The following MAGI2 variants were observed in gnomAD, a reference collection of about 807,000 sequenced individuals.
The protein encoded by MAGI2 is membrane associated guanylate kinase, WW and PDZ domain containing 2, also known as membrane-associated guanylate kinase, WW and PDZ domain-containing protein 2.
A neutral mutation model predicts 133.3 loss-of-function variants in MAGI2; 35 were observed. That is an observed-to-expected ratio of 0.26 (90% CI 0.20 to 0.35). The LOEUF is 0.35. MAGI2 is among the 10% of genes least tolerant of loss of function. The probability of loss-of-function intolerance (pLI) is 1.00; values close to 1 mark genes in which losing one functional copy is unlikely to be tolerated. For synonymous variants in MAGI2, 729 were observed against 710.6 expected (o/e 1.03, Z -0.41); for missense variants, 1,636 against 1,863.4 (o/e 0.88, Z 2.25).
rs192129863 is a variant in MAGI2 at position 78,257,733 on chromosome 7, A to C, written c.1409-1152T>G. Among the ~76,000 whole-genome samples, 86 of 152,288 alleles carry C rather than the reference A, an allele frequency of 5.6e-4. 1 individual carries two copies. Among genetic ancestry groups the C allele is most frequent in the African/African-American group, 1.9e-3 (77 of 41,566 alleles). ...TTATCTTCACAAACCATAATACTTG[A>C]AAATTGAGCTTGCAAATTGAGATTG... On this transcript the variant is annotated intron_variant, in intron 9 of 21. Transcript: ENST00000354212.
intron 2 of MAGI2, among the ~76,000 whole-genome samples, chr7:78,703,823 TACACACACAA>T (rs527888014): frequency 0.038 from 3,191 of 84,988 alleles, 44 homozygotes; most frequent in Middle Eastern, 0.12. Flanking sequence ...CACACACACA[TACACACACAA>T]ACACACACAC....
intron 1 of MAGI2, among the ~76,000 whole-genome samples, chr7:79,017,591 G>A (rs1245578988): frequency 6.6e-6 from 1 of 152,184 alleles, no homozygotes; most frequent in African/African-American, 2.4e-5. Flanking sequence ...GGCTGAGATG[G>A]CTGAAATGAT....
At chr7:78,752,108 C>T (rs1316640691) in intron 2 of MAGI2, among the ~76,000 whole-genome samples, 5 of 152,172 alleles carry the variant, frequency 3.3e-5, no homozygotes, top group African/African-American at 1.2e-4. Flanking sequence ...CAGTGTTTTG[C>T]TCTGAATTCA....
intron 6 of MAGI2, among the ~76,000 whole-genome samples, chr7:78,434,592 G>A (rs1800104097): frequency 6.6e-6 from 1 of 152,080 alleles, no homozygotes; most frequent in African/African-American, 2.4e-5. Flanking sequence ...GGACAAACAG[G>A]GATGACTCTA....
At chr7:78,052,175 T>A (rs1812080137) in intron 21 of MAGI2, among the ~76,000 whole-genome samples, 1 of 152,098 alleles carries the variant, frequency 6.6e-6, no homozygotes, top group African/African-American at 2.4e-5. Flanking sequence ...TAGTTTGGAT[T>A]TTTGACCCTC....
intron 1 of MAGI2, among the ~76,000 whole-genome samples, chr7:79,053,167 G>T (rs184851032): frequency 2.6e-5 from 4 of 152,136 alleles, no homozygotes; most frequent in African/African-American, 9.6e-5. Flanking sequence ...TAGAGATGGG[G>T]TTTCACCACA....
chr7:78,327,793 T>C (rs1562830161), intron 9 of MAGI2, among the ~76,000 whole-genome samples: 1 of 152,202 alleles, frequency 6.6e-6, no homozygotes, highest in Non-Finnish European at 1.5e-5. Flanking sequence ...GCTAGGTGGA[T>C]TGTAAAACAG....
At position 78,840,296 on chromosome 7, in the gene MAGI2, T is replaced by G. The variant is rs554292905; in HGVS notation, c.418+166794A>C. Reference sequence around the variant, plus strand: ...AGTTAAATCTATATAATTGGTTTTTTAAAATTGCTTTCAAAGGAATACTCA... The same window carrying G: ...AGTTAAATCTATATAATTGGTTTTTGAAAATTGCTTTCAAAGGAATACTCA... On this transcript the variant is annotated intron_variant, in intron 2 of 21. Coordinates refer to ENST00000354212, the MANE Select transcript of MAGI2 (RefSeq NM_012301.4). Among the ~76,000 whole-genome samples the G allele has an allele frequency of 2.0e-5, 3 of 152,184 alleles. No individual in the cohort carries two copies. The South Asian group carries it at 6.2e-4, about 32-fold the overall frequency.
chr7:78,639,968 G>A lies in MAGI2; in HGVS notation c.419-12729C>T, dbSNP rs1230820593. On this transcript the variant is annotated intron_variant, in intron 2 of 21. Transcript: ENST00000354212. ...CATGCCTCTGAAGGGATAAAAAAGC[G>A]GGGGTGCAGGAGGCAGACAGAATAT... Among the ~76,000 whole-genome samples, 65 of 152,200 alleles carry A rather than the reference G, an allele frequency of 4.3e-4. 1 individual carries two copies. The highest frequency in any genetic ancestry group is 4.1e-3 in the Admixed American group (62 of 15,282).
In MAGI2 at chr7:78,125,687, T is replaced by G. The variant is rs1208075151; in HGVS notation, c.3567+7A>C. The stretch of plus-strand genomic sequence containing the variant: ...TAAGCAATTCTATAAAAAGAGACTG[T>G]TCTTACCCTCATCCTCCCATTCCTT... On this transcript the variant is annotated splice_region_variant and intron_variant, in intron 20 of 21. Coordinates refer to ENST00000354212, the MANE Select transcript of MAGI2 (RefSeq NM_012301.4). 1 of 1,613,640 alleles carries G rather than the reference T, an allele frequency of 6.2e-7. No individual in the cohort carries two copies. The highest frequency in any genetic ancestry group is 1.3e-5 in the African/African-American group (1 of 75,054).
In MAGI2 at chr7:79,417,887, AC is replaced by A. The variant is rs530085993; in HGVS notation, c.301+35132del. On this transcript the variant is annotated intron_variant, in intron 1 of 21. Transcript: ENST00000354212. ...TAGAAACAAAGAGAAAACAACAACTACCCCCCCAAATGACAGATATCAAAAA... is the reference window on the plus strand; with the variant it reads ...TAGAAACAAAGAGAAAACAACAACTACCCCCCAAATGACAGATATCAAAAA... Among the ~76,000 whole-genome samples the A allele has an allele frequency of 9.9e-4, 151 of 152,028 alleles. 1 individual carries two copies. The highest frequency in any genetic ancestry group is 3.4e-3 in the African/African-American group (140 of 41,486).
rs59881896 is a variant in MAGI2 at position 79,449,877 on chromosome 7, C to CATATATATATATATATATATATATAT, written c.301+3142_301+3143insATATATATATATATATATATATATAT. ...GTGTAGAAACACTGTGAGATATATA[C>CATATATATATATATATATATATATAT]ATATATATATATATATATATAATGT... On this transcript the variant is annotated intron_variant, in intron 1 of 21. Coordinates refer to ENST00000354212, the MANE Select transcript of MAGI2 (RefSeq NM_012301.4). Among the ~76,000 whole-genome samples the CATATATATATATATATATATATATAT allele has an allele frequency of 8.2e-4, 99 of 120,582 alleles. 1 individual carries two copies. Among genetic ancestry groups the CATATATATATATATATATATATATAT allele is most frequent in the African/African-American group, 2.8e-3 (94 of 33,462 alleles). 79.1% of individuals were successfully genotyped at this position (120,582 alleles called of 152,430 possible). A position where few individuals can be genotyped will look rare whatever the true frequency, so the allele number is the denominator to read the frequency against.
intron 10 of MAGI2, among the ~76,000 whole-genome samples, chr7:78,227,850 T>TTGTCTGTGTGTG (rs1789551977): frequency 6.9e-6 from 1 of 145,546 alleles, no homozygotes; most frequent in Non-Finnish European, 1.5e-5. Context: ...TCTTACTCAG[T>TTGTCTGTGTGTG]TGTGTGTGTG....
intron 1 of MAGI2, among the ~76,000 whole-genome samples, chr7:79,068,531 A>AC (rs1467130617): frequency 6.6e-6 from 1 of 151,956 alleles, no homozygotes; most frequent in East Asian, 1.9e-4. Flanking sequence ...GATCTTTTCA[A>AC]AAAACCACCG....
intron 2 of MAGI2, among the ~76,000 whole-genome samples, chr7:78,860,533 A>G (rs1794070270): frequency 6.6e-6 from 1 of 152,162 alleles, no homozygotes; most frequent in Non-Finnish European, 1.5e-5. Flanking sequence ...TTGCCTGGGT[A>G]TCACCAGCGG....
At chr7:78,960,333 G>T (rs1802734087) in intron 2 of MAGI2, among the ~76,000 whole-genome samples, 1 of 152,114 alleles carries the variant, frequency 6.6e-6, no homozygotes, top group Non-Finnish European at 1.5e-5. Flanking sequence ...CAGGTAATGT[G>T]TTCATTCATA....
At position 78,626,826 on chromosome 7, in the gene MAGI2, ATGTGTGTGTGTGTGTGTGTG is replaced by A. The variant is rs71085549; in HGVS notation, c.538+274_538+293del. Among the ~76,000 whole-genome samples, 910 of 148,432 alleles carry A rather than the reference ATGTGTGTGTGTGTGTGTGTG, an allele frequency of 6.1e-3. 28 individuals carry two copies. The East Asian group carries it at 0.084, about 14-fold the overall frequency. On this transcript the variant is annotated intron_variant, in intron 3 of 21. Coordinates refer to ENST00000354212, the MANE Select transcript of MAGI2 (RefSeq NM_012301.4). ...AGGAGACAAGCACAAGAATACTTCAATGTGTGTGTGTGTGTGTGTGTGTGTGTGTGTGTGTATAAAATAGG... is the reference window on the plus strand; with the variant it reads ...AGGAGACAAGCACAAGAATACTTCAATGTGTGTGTGTGTGTATAAAATAGG...
intron 2 of MAGI2, among the ~76,000 whole-genome samples, chr7:78,988,693 T>C (rs1805487123): frequency 6.6e-6 from 1 of 152,124 alleles, no homozygotes; most frequent in African/African-American, 2.4e-5. Flanking sequence ...AAGCACTCTT[T>C]ATTCACCGTG....
At chr7:78,107,524 A>G (rs113246873) in intron 20 of MAGI2, among the ~76,000 whole-genome samples, 3,971 of 151,936 alleles carry the variant, frequency 0.026, 116 homozygotes, top group African/African-American at 0.078. Flanking sequence ...TCTTTCATCT[A>G]TGTTTTATAG....
Sources: gnomAD v4.1 joint callset for allele counts (sites outside exome capture counted in the v4.1 genomes callset) on GRCh38, gnomAD v4.1.1 for gene constraint, MANE v1.5 for transcripts, NCBI Gene and HGNC (gene_info 2026-07-23, HGNC 2026-07-21) for gene names.